BLOC1S2: variants seen among roughly 807,000 people sequenced by gnomAD.
The protein encoded by BLOC1S2 is biogenesis of lysosomal organelles complex 1 subunit 2.
BLOC1S2 carries 12 observed loss-of-function variants against 19.6 expected under a neutral mutation model. The observed-to-expected ratio is 0.61, with a 90% CI of 0.39 to 0.99. The LOEUF (loss-of-function observed/expected upper bound fraction) is 0.99. Among genes scored for constraint, BLOC1S2 ranks in the 50% least tolerant of loss-of-function variants. The probability of loss-of-function intolerance (pLI) is 0.00; values close to 1 mark genes in which losing one functional copy is unlikely to be tolerated. For missense variants in BLOC1S2, 142 were observed against 171.0 expected (o/e 0.83, Z 0.95); for synonymous variants, 66 against 64.1 (o/e 1.03, Z -0.14).
chr10:100,285,415 C>A (rs1414542663), intron 2 of BLOC1S2, among the ~76,000 whole-genome samples: 1 of 152,212 alleles, frequency 6.6e-6, no homozygotes, highest in African/African-American at 2.4e-5. Flanking sequence ...GCGCCCGCCA[C>A]CACGGCCGGC....
At chr10:100,276,425 CG>C (rs1185351312) in intron 4 of BLOC1S2, among the ~76,000 whole-genome samples, 5 of 12,446 alleles carry the variant, frequency 4.0e-4, no homozygotes, top group Non-Finnish European at 7.4e-4. Flanking sequence ...CTCCCTCTCC[CG>C]TCTCCCTCTC....
At position 100,274,817 on chromosome 10, in the gene BLOC1S2, A is replaced by T; in HGVS notation, c.*645T>A. 2.5e-6 allele frequency: 1 copy of T among 396,898 alleles called. No individual in the cohort carries two copies. Among genetic ancestry groups the T allele is most frequent in the Non-Finnish European group, 4.4e-6 (1 of 225,510 alleles). The allele number at this position is 396,898 out of a possible 1,614,324, so 24.6% of individuals were successfully genotyped here. On this transcript the variant is annotated 3_prime_UTR_variant, in exon 5 of 5. Transcript: ENST00000370372. Reference sequence around the variant, plus strand: ...ACATTTCCCAAACTGATCGCATGTCAATGTGACTCACATAGAAAATAAACA... The same window carrying T: ...ACATTTCCCAAACTGATCGCATGTCTATGTGACTCACATAGAAAATAAACA...
At chr10:100,278,242 G>A (rs1346822778) in intron 4 of BLOC1S2, among the ~76,000 whole-genome samples, 4 of 150,810 alleles carry the variant, frequency 2.7e-5, no homozygotes, top group South Asian at 2.1e-4. Flanking sequence ...CCAGCCACCC[G>A]GTCCAGGAGC....
chr10:100,276,495 C>CG (rs1281885666), intron 4 of BLOC1S2, among the ~76,000 whole-genome samples: 2 of 118,112 alleles, frequency 1.7e-5, no homozygotes, highest in African/African-American at 3.1e-5. Flanking sequence ...CTCCCTCTCC[C>CG]TCTCCCTCTC....
At chr10:100,276,028 A>C (rs1253749626) in intron 4 of BLOC1S2, among the ~76,000 whole-genome samples, 1 of 152,210 alleles carries the variant, frequency 6.6e-6, no homozygotes, top group East Asian at 1.9e-4. Flanking sequence ...TCACAATTTT[A>C]ACAGAAAAAG....
intron 4 of BLOC1S2, among the ~76,000 whole-genome samples, chr10:100,277,148 C>G (rs1303919647): frequency 6.6e-6 from 1 of 151,762 alleles, no homozygotes; most frequent in Non-Finnish European, 1.5e-5. Flanking sequence ...AGCGCCTGTG[C>G]CCCGCCGCCC....
Position 100,286,210 on chromosome 10 carries a change from T to C in BLOC1S2, c.59A>G (p.Asp20Gly). The C allele has an allele frequency of 6.2e-7, 1 of 1,613,948 alleles. No homozygotes were observed. Residue 20 changes from aspartate (D) to glycine (G), a missense_variant, in exon 2 of 5, where the codon GAT (aspartate) becomes GGT (glycine). Asp to Gly is a moderately conservative substitution (Grantham distance 94). This residue lies in a region of BLOC1S2 where 48 missense variants were observed against 29.7 expected (regional missense o/e 1.61). Transcript: ENST00000370372. ...TTCCTCAGCTGTCTCCACGGCGGCA[T>C]CGTCTGGGCCAAGGGAGAATGACTA... ...ATRSDEPARDDAAVETAEEAK... is the reference protein window; with the variant it reads ...ATRSDEPARDGAAVETAEEAK...
rs1388578918 is a variant in BLOC1S2, at chr10:100,273,433, GTAAATC to G, written c.*2023_*2028del. 2 of 152,054 alleles carry G rather than the reference GTAAATC, an allele frequency of 1.3e-5. No homozygotes were observed. Among genetic ancestry groups the G allele is most frequent in the Non-Finnish European group, 2.9e-5 (2 of 68,000 alleles). The allele number at this position is 152,054 out of a possible 1,614,324, so 9.4% of individuals were successfully genotyped here. ...TCTGTATTATCTTTGCAACTTTCCCGTAAATCTAAATCTATTTTCAAAAAGTTTATG... is the reference window on the plus strand; with the variant it reads ...TCTGTATTATCTTTGCAACTTTCCCGTAAATCTATTTTCAAAAAGTTTATG... On this transcript the variant is annotated 3_prime_UTR_variant, in exon 5 of 5. Transcript: ENST00000370372.
At chr10:100,278,310 C>T (rs1399254906) in intron 4 of BLOC1S2, among the ~76,000 whole-genome samples, 1 of 152,148 alleles carries the variant, frequency 6.6e-6, no homozygotes, top group Non-Finnish European at 1.5e-5. Context: ...CTCTGCCCGG[C>T]CACCACCCCG....
At chr10:100,280,091 T>G (rs764235884) in intron 4 of BLOC1S2, 33 bp downstream of exon 4, 13 of 1,544,032 alleles carry the variant, frequency 8.4e-6, no homozygotes, top group Admixed American at 1.7e-5. Flanking sequence ...GAAGCAGTCT[T>G]TATTACATCA....
chr10:100,275,527 A>T, intron 4 of BLOC1S2, 34 bp from the exon 5 acceptor site: 2 of 1,588,592 alleles, frequency 1.3e-6, no homozygotes, highest in South Asian at 2.3e-5. Context: ...CATCTTTTAA[A>T]ACTGGCTCTT....
At chr10:100,279,952 A>G in intron 4 of BLOC1S2, 172 bp downstream of exon 4, 1 of 417,988 alleles carries the variant, frequency 2.4e-6, no homozygotes, top group Non-Finnish European at 4.2e-6. Context: ...CTGATATATC[A>G]TTAAGTAATC....
At chr10:100,277,021 C>A (rs1183524073) in intron 4 of BLOC1S2, among the ~76,000 whole-genome samples, 1 of 149,132 alleles carries the variant, frequency 6.7e-6, no homozygotes, top group African/African-American at 2.5e-5. Context: ...AAGTGAGGAG[C>A]GTCTCTGCCC....
chr10:100,274,999 A>G lies in BLOC1S2; in HGVS notation c.*463T>C. The G allele has an allele frequency of 2.5e-6, 1 of 399,134 alleles. No homozygotes were observed. Among genetic ancestry groups the G allele is most frequent in the Non-Finnish European group, 4.4e-6 (1 of 226,236 alleles). The allele number at this position is 399,134 out of a possible 1,614,324, so 24.7% of individuals were successfully genotyped here. A position where few individuals can be genotyped will look rare whatever the true frequency, so the allele number is the denominator to read the frequency against. ...ATTCACAAGGTGATAAGCTGCAAAG[A>G]ACAAGTTTGTTTTGTTTTCCTTTTT... On this transcript the variant is annotated 3_prime_UTR_variant, in exon 5 of 5. Transcript: ENST00000370372.
chr10:100,275,607 T>C, intron 4 of BLOC1S2, 114 bp from the exon 5 acceptor site: 1 of 914,868 alleles, frequency 1.1e-6, no homozygotes, highest in Non-Finnish European at 1.7e-6. Context: ...TAAAAATCTA[T>C]TAGCTTCAAT....
chr10:100,277,010 A>G (rs1347772115), intron 4 of BLOC1S2, among the ~76,000 whole-genome samples: 20 of 145,988 alleles, frequency 1.4e-4, no homozygotes, highest in Non-Finnish European at 2.9e-4. Context: ...CCCAGTCTGG[A>G]AAGTGAGGAG....
At chr10:100,278,209 G>T (rs1399905520) in intron 4 of BLOC1S2, among the ~76,000 whole-genome samples, 2 of 149,122 alleles carry the variant, frequency 1.3e-5, no homozygotes, top group African/African-American at 4.9e-5. Context: ...GGAGGGAGGT[G>T]GGGGGGTCAG....
chr10:100,276,988 T>C (rs1701316451), intron 4 of BLOC1S2, among the ~76,000 whole-genome samples: 1 of 151,098 alleles, frequency 6.6e-6, no homozygotes, highest in Non-Finnish European at 1.5e-5. Context: ...GAGGAGCCCC[T>C]CTGCCTGGCT....
At chr10:100,279,857 G>T (rs145143222) in intron 4 of BLOC1S2, among the ~76,000 whole-genome samples, 8 of 152,102 alleles carry the variant, frequency 5.3e-5, no homozygotes, top group African/African-American at 1.7e-4. Context: ...CTCCAGCTTG[G>T]GCAACAAGAG....
Sources: allele counts gnomAD v4.1 joint callset (sites outside exome capture counted in the v4.1 genomes callset), GRCh38; gene constraint gnomAD v4.1.1; regional missense constraint gnomAD v4.1.1; transcripts MANE v1.5; gene names NCBI Gene and HGNC (gene_info 2026-07-23, HGNC 2026-07-21).